CLCN1: variants seen among roughly 807,000 people sequenced by gnomAD.
The protein encoded by CLCN1 is chloride channel protein 1.
Under a neutral mutation model 114.5 loss-of-function variants are expected in CLCN1, and 100 were observed. The observed-to-expected ratio is 0.87, with a 90% CI of 0.74 to 1.03. The LOEUF (loss-of-function observed/expected upper bound fraction) is 1.03, where lower values mean the gene tolerates loss of function less well. Among genes scored for constraint, CLCN1 ranks in the 50% least tolerant of loss-of-function variants. The pLI is 0.00. For missense variants in CLCN1, 1,188 were observed against 1,250.0 expected (o/e 0.95, Z 0.75); for synonymous variants, 485 against 487.1 (o/e 1.00, Z 0.06).
chr7:143,344,768 T>TTC (rs900859297), intron 16 of CLCN1, among the ~76,000 whole-genome samples: 11 of 150,796 alleles, frequency 7.3e-5, no homozygotes, highest in African/African-American at 2.5e-4. Flanking sequence ...TTTTTTTTTT[T>TTC]TAATGAAATC....
At chr7:143,341,832 T>C (rs964337789) in intron 14 of CLCN1, 97 bp from the exon 15 acceptor site, 1 of 919,998 alleles carries the variant, frequency 1.1e-6, no homozygotes. Context: ...ACCAGGGTCA[T>C]GTCTCTCATT....
intron 5 of CLCN1, among the ~76,000 whole-genome samples, 192 bp downstream of exon 5, chr7:143,322,040 T>C (rs1802454139): frequency 1.3e-5 from 2 of 152,230 alleles, no homozygotes; most frequent in South Asian, 2.1e-4. Flanking sequence ...ACCACACAGC[T>C]TGGGGAGCTT....
At chr7:143,323,639 C>T (rs769324754) in intron 6 of CLCN1, 7 of 641,552 alleles carry the variant, frequency 1.1e-5, no homozygotes, top group Non-Finnish European at 1.8e-5. Context: ...TCTGGTCTGT[C>T]GTCTGCTCCC....
chr7:143,340,486 C>T (rs1006025041), intron 14 of CLCN1, among the ~76,000 whole-genome samples: 1 of 151,666 alleles, frequency 6.6e-6, no homozygotes, highest in Non-Finnish European at 1.5e-5. Context: ...CTTGGTTGCT[C>T]TCTCCCTTTC....
Position 143,332,801 on chromosome 7 carries a change from G to A in CLCN1, c.1329G>A (p.Leu443=), listed in dbSNP as rs1004469083. The part of the protein sequence containing the change: ...WVKHAGDPES[L]GQSAVWIHPR... ...AACACGCGGGTGATCCTGAGAGCCT[G>A]GGCCAGTCAGCTGTGTGGATTCACC... The change falls in exon 12 of 23, where the codon CTG becomes CTA. Residue 443 remains leucine, a synonymous_variant. Transcript: ENST00000343257. 12 of 1,614,036 alleles carry A rather than the reference G, an allele frequency of 7.4e-6. No homozygotes were observed. The African/African-American group carries it at 1.6e-4, about 22-fold the overall frequency.
intron 1 of CLCN1, among the ~76,000 whole-genome samples, chr7:143,318,203 C>CT (rs201805046): frequency 0.017 from 2,549 of 151,120 alleles, 29 homozygotes; most frequent in Non-Finnish European, 0.02. Context: ...CCATGGAATA[C>CT]TTTTTTTTTG....
In CLCN1 at chr7:143,347,041, A is replaced by T. The variant is rs986914189; in HGVS notation, c.2403+92A>T. On this transcript the variant is annotated intron_variant, in intron 20 of 22. Transcript: ENST00000343257. ...CTACCTTCTTTATTGTGTTGTCATG[A>T]AATAGAATGTGGTCTGGATGGGAAG... is the stretch of plus-strand genomic sequence containing the variant. The T allele has an allele frequency of 4.4e-6, 5 of 1,129,274 alleles. No homozygotes were observed. In the African/African-American group the frequency reaches 4.6e-5, roughly 10 times the overall value. The allele number at this position is 1,129,274 out of a possible 1,614,324, so 70.0% of individuals were successfully genotyped here.
intron 7 of CLCN1, among the ~76,000 whole-genome samples, chr7:143,327,257 A>G (rs73170699): frequency 1.3e-5 from 2 of 149,706 alleles, no homozygotes; most frequent in East Asian, 1.9e-4. Context: ...TAAAAAAAAA[A>G]AAAAAGAAAA....
Position 143,350,569 on chromosome 7 carries a change from C to T in CLCN1, c.2510C>T (p.Thr837Ile). ...CTGACCTGTGCTCTTCATCCTCAGACTCATACCCTGTTTTCACTCCTTGGC... is the reference window on the plus strand; with the variant it reads ...CTGACCTGTGCTCTTCATCCTCAGATTCATACCCTGTTTTCACTCCTTGGC... Reference protein sequence around the residue: ...QLVEQTTLHKTHTLFSLLGLH... With the variant: ...QLVEQTTLHKIHTLFSLLGLH... The change falls in exon 22 of 23, where the codon ACT (threonine) becomes ATT (isoleucine). Residue 837 changes from threonine to isoleucine, a missense_variant and splice_region_variant. Transcript: ENST00000343257. The surrounding 1 kb of genome is among the most constrained non-coding windows in gnomAD (Gnocchi z 5.1). The T allele has an allele frequency of 6.2e-7, 1 of 1,614,036 alleles. No individual in the cohort carries two copies. The highest frequency in any genetic ancestry group is 8.5e-7 in the Non-Finnish European group (1 of 1,179,912).
At chr7:143,349,783 C>G (rs1803347056) in intron 20 of CLCN1, among the ~76,000 whole-genome samples, 1 of 152,172 alleles carries the variant, frequency 6.6e-6, no homozygotes, top group African/African-American at 2.4e-5. Flanking sequence ...ACACTCAAGA[C>G]AAATGCAGAG....
chr7:143,319,318 C>A (rs1802367007), intron 1 of CLCN1, among the ~76,000 whole-genome samples: 1 of 152,118 alleles, frequency 6.6e-6, no homozygotes, highest in Non-Finnish European at 1.5e-5. Flanking sequence ...GCTAGTTAGC[C>A]CAGTCTGTCC....
At position 143,351,701 on chromosome 7, in the gene CLCN1, A is replaced by G. The variant is rs1238334991; in HGVS notation, c.2703A>G (p.Pro901=). ...CTCGAAAGAGTACCGGGGCACCTCCATCTTCTGCAGAGAACTGGAACCTGC... is the reference window on the plus strand; with the variant it reads ...CTCGAAAGAGTACCGGGGCACCTCCGTCTTCTGCAGAGAACTGGAACCTGC... ...TSTRKSTGAP[P]SSAENWNLPE... is the part of the protein sequence containing the mutation. The change falls in exon 23 of 23, where the codon CCA becomes CCG. Residue 901 remains proline (P), a synonymous_variant. Coordinates refer to ENST00000343257, the MANE Select transcript of CLCN1 (RefSeq NM_000083.3). 1.2e-6 allele frequency: 2 copies of G among 1,614,140 alleles called. No homozygotes were observed. Among genetic ancestry groups the G allele is most frequent in the Non-Finnish European group, 1.7e-6 (2 of 1,180,022 alleles).
At position 143,316,360 on chromosome 7, in the gene CLCN1, G is replaced by A. The variant is rs762996741; in HGVS notation, c.148G>A (p.Ala50Thr). The stretch of plus-strand genomic sequence containing the variant: ...CCTCCAGCACAGGCTCCGGAAGGAT[G>A]CAGGCCCCCGCCACAACGTCCACCC... ...GGLQHRLRKD[A>T]GPRHNVHPTQ... The change falls in exon 1 of 23, where the codon GCA becomes ACA. Residue 50 changes from alanine to threonine, a missense_variant. Ala to Thr is a moderately conservative substitution (Grantham distance 58). Transcript: ENST00000343257. 1 of 1,581,980 alleles carries A rather than the reference G, an allele frequency of 6.3e-7. No individual in the cohort carries two copies. The highest frequency in any genetic ancestry group is 8.6e-7 in the Non-Finnish European group (1 of 1,166,422).
intron 12 of CLCN1, among the ~76,000 whole-genome samples, chr7:143,333,749 C>T (rs1347734103): frequency 6.6e-6 from 1 of 152,152 alleles, no homozygotes; most frequent in Non-Finnish European, 1.5e-5. Flanking sequence ...AGGATTTTGC[C>T]ATTCCCAAAC....
At chr7:143,318,310 C>T (rs1802341493) in intron 1 of CLCN1, among the ~76,000 whole-genome samples, 1 of 152,194 alleles carries the variant, frequency 6.6e-6, no homozygotes, top group South Asian at 2.1e-4. Context: ...GCAATCTCCG[C>T]CTCCCTGGTT....
Position 143,350,535 on chromosome 7 carries a change from G to A in CLCN1, c.2509-33G>A, listed in dbSNP as rs1482963127. The stretch of plus-strand genomic sequence containing the variant: ...GAAGGCAGGAGAGCTGTGGGGCAAG[G>A]AACATGCACTGACCTGTGCTCTTCA... On this transcript the variant is annotated intron_variant, in intron 21 of 22. Transcript: ENST00000343257. The surrounding 1 kb of genome is among the most constrained non-coding windows in gnomAD (Gnocchi z 5.1). 6.2e-7 allele frequency: 1 copy of A among 1,610,944 alleles called. No individual in the cohort carries two copies. The highest frequency in any genetic ancestry group is 1.7e-5 in the Admixed American group (1 of 60,010).
intron 16 of CLCN1, among the ~76,000 whole-genome samples, chr7:143,344,749 G>GA (rs1205402473): frequency 1.0e-5 from 1 of 96,018 alleles, no homozygotes; most frequent in Non-Finnish European, 2.0e-5. Flanking sequence ...TATCCTAGCA[G>GA]GGTTTTTTTT....
chr7:143,335,661 G>GTTTTTTT (rs367713664), intron 12 of CLCN1, among the ~76,000 whole-genome samples: 4 of 135,288 alleles, frequency 3.0e-5, no homozygotes, highest in Admixed American at 7.8e-5. Context: ...CAGCTGTTTT[G>GTTTTTTT]TTTTTTTTTT....
chr7:143,339,353 CTG>C lies in CLCN1; in HGVS notation c.1471+32_1471+33del, dbSNP rs1464139830. 27 of 1,540,628 alleles carry C rather than the reference CTG, an allele frequency of 1.8e-5. No homozygotes were observed. The highest frequency in any genetic ancestry group is 2.2e-5 in the Non-Finnish European group (25 of 1,113,158). ...TTCTGATGGGAAGCCTGGGGTCTGA[CTG>C]AGAGTTGCAATCTAGGATACAGGAA... On this transcript the variant is annotated intron_variant, in intron 13 of 22. Coordinates refer to ENST00000343257, the MANE Select transcript of CLCN1 (RefSeq NM_000083.3). This position sits in a 1 kb window ranked among gnomAD's most constrained non-coding sequence, Gnocchi z 4.1.
Sources: gnomAD v4.1 joint callset for allele counts (sites outside exome capture counted in the v4.1 genomes callset) on GRCh38, gnomAD v4.1.1 for gene constraint, Gnocchi (gnomAD v3.1) non-coding constraint, MANE v1.5 for transcripts, NCBI Gene and HGNC (gene_info 2026-07-23, HGNC 2026-07-21) for gene names.